Variants in PPM1H observed in about 807,000 individuals in gnomAD.
PPM1H encodes the protein protein phosphatase 1H.
Under a neutral mutation model 54.9 loss-of-function variants are expected in PPM1H, and 27 were observed. The observed-to-expected ratio is 0.49, with a 90% CI of 0.36 to 0.68. The LOEUF is 0.68. Among genes scored for constraint, PPM1H ranks in the 30% least tolerant of loss-of-function variants. PPM1H has a pLI of 0.00. For synonymous variants in PPM1H, 305 were observed against 270.8 expected, an observed-to-expected ratio of 1.13 and a Z score of -1.24; for missense variants, 596 against 667.8, an observed-to-expected ratio of 0.89 and a Z score of 1.19.
intron 2 of PPM1H, among the ~76,000 whole-genome samples, chr12:62,818,754 A>G (rs1347679278): frequency 1.3e-5 from 2 of 152,152 alleles, no homozygotes; most frequent in Non-Finnish European, 2.9e-5. Flanking sequence ...TGTCATTGAG[A>G]ACGCCCTTCT....
Position 62,801,949 on chromosome 12 carries a change from C to G in PPM1H, c.623G>C (p.Arg208Pro). The stretch of plus-strand genomic sequence containing the variant: ...CACCCCTCCGCGCAGGGAGGCTGCC[C>G]GGGTCAGAGTCCGGCTGTTGGCGGG... ...NTPANSRTLT[R>P]AASLRGGVGA... The change falls in exon 3 of 10, where the codon CGG becomes CCG. Residue 208 changes from arginine to proline, a missense_variant. Arg to Pro is a moderately radical substitution (Grantham distance 103). This residue lies in a region of PPM1H where 382 missense variants were observed against 387.1 expected (regional missense o/e 0.99). Transcript: ENST00000228705. The G allele has an allele frequency of 1.2e-6, 2 of 1,612,606 alleles. No homozygotes were observed. Among genetic ancestry groups the G allele is most frequent in the Non-Finnish European group, 1.7e-6 (2 of 1,179,090 alleles).
intron 8 of PPM1H, among the ~76,000 whole-genome samples, chr12:62,672,837 G>C (rs2075964070): frequency 6.6e-6 from 1 of 152,184 alleles, no homozygotes; most frequent in South Asian, 2.1e-4. Flanking sequence ...ATCCCAATTT[G>C]TATTTCCTCT....
intron 6 of PPM1H, among the ~76,000 whole-genome samples, chr12:62,707,885 C>T (rs1223269831): frequency 1.3e-5 from 2 of 152,104 alleles, no homozygotes; most frequent in Non-Finnish European, 2.9e-5. Context: ...CCTTTAGGTA[C>T]AGAGAGTGAT....
chr12:62,726,510 T>A (rs77352437), intron 5 of PPM1H, among the ~76,000 whole-genome samples: 1,727 of 152,142 alleles, frequency 0.011, 31 homozygotes, highest in East Asian at 0.086. Flanking sequence ...TAAAGCAAGT[T>A]TTAAAAGACT....
At chr12:62,879,005 T>A (rs1870293907) in intron 1 of PPM1H, among the ~76,000 whole-genome samples, 1 of 152,204 alleles carries the variant, frequency 6.6e-6, no homozygotes, top group East Asian at 1.9e-4. Flanking sequence ...TTTTCCCTCG[T>A]TCAGAGCACC....
intron 1 of PPM1H, among the ~76,000 whole-genome samples, chr12:62,910,023 C>T (rs1485728538): frequency 6.6e-6 from 1 of 152,058 alleles, no homozygotes; most frequent in Admixed American, 6.5e-5. Context: ...GAAATGGCCT[C>T]GAGGAAGGGC....
intron 3 of PPM1H, among the ~76,000 whole-genome samples, chr12:62,790,469 G>A: frequency 6.6e-6 from 1 of 152,200 alleles, no homozygotes; most frequent in Admixed American, 6.5e-5. Flanking sequence ...CTACTTGGGA[G>A]GCTGAGGACA....
At chr12:62,889,089 C>T (rs1870690809) in intron 1 of PPM1H, among the ~76,000 whole-genome samples, 1 of 152,160 alleles carries the variant, frequency 6.6e-6, no homozygotes. Flanking sequence ...AGTTAGCTGC[C>T]TGTCCACCTG....
chr12:62,656,904 C>T (rs911224230), intron 9 of PPM1H, among the ~76,000 whole-genome samples: 5 of 152,202 alleles, frequency 3.3e-5, no homozygotes, highest in African/African-American at 1.2e-4. Flanking sequence ...GTGCCCAGAA[C>T]TAGGCAACTC....
In PPM1H at chr12:62,815,274, G is replaced by C. The variant is rs2120790888; in HGVS notation, c.412-13114C>G. Among the ~76,000 whole-genome samples, 2 of 152,102 alleles carry C rather than the reference G, an allele frequency of 1.3e-5. 1 individual carries two copies. The highest frequency in any genetic ancestry group is 6.8e-3 in the Middle Eastern group (2 of 292). On this transcript the variant is annotated intron_variant, in intron 2 of 9. Transcript: ENST00000228705. The stretch of plus-strand genomic sequence containing the variant: ...TTTCATATACTTTAATGAATATGCT[G>C]CTTCCTTCTCAGGATATGACAATAT...
At chr12:62,654,343 T>C (rs1296979795) in intron 9 of PPM1H, among the ~76,000 whole-genome samples, 1 of 151,396 alleles carries the variant, frequency 6.6e-6, no homozygotes, top group Non-Finnish European at 1.5e-5. Context: ...AACTATCATA[T>C]GGCCTTCCTC....
At chr12:62,723,045 C>T (rs1243232558) in intron 5 of PPM1H, among the ~76,000 whole-genome samples, 1 of 152,146 alleles carries the variant, frequency 6.6e-6, no homozygotes, top group Non-Finnish European at 1.5e-5. Flanking sequence ...GCCTGGCCTA[C>T]CTTAAATGTG....
At chr12:62,925,574 T>A (rs1274923589) in intron 1 of PPM1H, among the ~76,000 whole-genome samples, 1 of 152,166 alleles carries the variant, frequency 6.6e-6, no homozygotes, top group Non-Finnish European at 1.5e-5. Context: ...CGAGACTATC[T>A]CAAAAAAACA....
chr12:62,790,305 G>A (rs2076695322), intron 3 of PPM1H, among the ~76,000 whole-genome samples: 1 of 152,208 alleles, frequency 6.6e-6, no homozygotes, highest in South Asian at 2.1e-4. Context: ...AGCCAGGCAC[G>A]GTGGCTAACG....
At chr12:62,925,343 C>A (rs1471797231) in intron 1 of PPM1H, among the ~76,000 whole-genome samples, 1 of 152,080 alleles carries the variant, frequency 6.6e-6, no homozygotes, top group Non-Finnish European at 1.5e-5. Context: ...TTTTGGGAGG[C>A]CAAGGTGGGT....
At chr12:62,733,533 A>C (rs1219898257) in intron 5 of PPM1H, among the ~76,000 whole-genome samples, 1 of 152,226 alleles carries the variant, frequency 6.6e-6, no homozygotes, top group African/African-American at 2.4e-5. Context: ...CTAGGATTAC[A>C]GGTGTGAGCC....
At chr12:62,731,819 G>T (rs1294160011) in intron 5 of PPM1H, among the ~76,000 whole-genome samples, 1 of 152,140 alleles carries the variant, frequency 6.6e-6, no homozygotes, top group Non-Finnish European at 1.5e-5. Context: ...AGAATGGAGG[G>T]AAAACCATCA....
chr12:62,916,507 T>C (rs1407655475), intron 1 of PPM1H, among the ~76,000 whole-genome samples: 1 of 152,196 alleles, frequency 6.6e-6, no homozygotes, highest in Non-Finnish European at 1.5e-5. Flanking sequence ...ACTATTTAGA[T>C]TCCTAACAGA....
Position 62,838,334 on chromosome 12 carries a change from T to TG in PPM1H, c.246-6056dup, listed in dbSNP as rs1390428033. On this transcript the variant is annotated intron_variant, in intron 1 of 9. Transcript: ENST00000228705. Reference sequence around the variant, plus strand: ...TAGACAGTAAAATACAGTGTGTGTGTGTGTGGGGGGGGGGAGATGAATAAC... The same window carrying TG: ...TAGACAGTAAAATACAGTGTGTGTGTGGTGTGGGGGGGGGGAGATGAATAAC... 2.4e-3 allele frequency among the ~76,000 whole-genome samples: 224 copies of TG among 94,232 alleles called. 2 individuals carry two copies. Among genetic ancestry groups the TG allele is most frequent in the South Asian group, 6.2e-3 (13 of 2,098 alleles). 61.8% of individuals were successfully genotyped at this position (94,232 alleles called of 152,430 possible).
Sources: gnomAD v4.1 joint callset for allele counts (sites outside exome capture counted in the v4.1 genomes callset) on GRCh38, gnomAD v4.1.1 for gene constraint, gnomAD v4.1.1 regional missense constraint, MANE v1.5 for transcripts, NCBI Gene and HGNC (gene_info 2026-07-23, HGNC 2026-07-21) for gene names.